The following KCND3 variants were observed in gnomAD, a reference collection of about 807,000 sequenced individuals.
KCND3 encodes potassium voltage-gated channel subfamily D member 3.
KCND3 carries 9 observed loss-of-function variants against 51.1 expected under a neutral mutation model. The ratio of observed to expected loss-of-function variants is 0.18; its 90% CI spans 0.11 to 0.31. KCND3 has a LOEUF of 0.31. KCND3 is among the 10% of genes least tolerant of loss of function. KCND3 has a pLI of 1.00. For missense variants in KCND3, 526 were observed against 903.8 expected (o/e 0.58, Z 5.36); for synonymous variants, 349 against 368.0 (o/e 0.95, Z 0.59).
chr1:111,914,368 C>T (rs887402097), intron 2 of KCND3, among the ~76,000 whole-genome samples: 1 of 150,994 alleles, frequency 6.6e-6, no homozygotes, highest in Non-Finnish European at 1.5e-5. Context: ...AAGAGAAACA[C>T]AGAAGAAATA....
At chr1:111,927,089 A>G (rs1162862443) in intron 2 of KCND3, among the ~76,000 whole-genome samples, 2 of 152,172 alleles carry the variant, frequency 1.3e-5, no homozygotes, top group African/African-American at 2.4e-5. Context: ...AGGAACCACC[A>G]TTATCTCCCC....
chr1:111,824,813 T>A (rs2101605729), intron 2 of KCND3, among the ~76,000 whole-genome samples: 1 of 152,288 alleles, frequency 6.6e-6, no homozygotes, highest in East Asian at 1.9e-4. Context: ...TAAATCCTGT[T>A]TTTCCACACA....
At chr1:111,888,142 G>A (rs1451792625) in intron 2 of KCND3, among the ~76,000 whole-genome samples, 3 of 152,266 alleles carry the variant, frequency 2.0e-5, no homozygotes, top group Non-Finnish European at 4.4e-5. Flanking sequence ...TAACTGTGGG[G>A]TGGGAGGGAA....
chr1:111,867,598 A>G (rs879634417), intron 2 of KCND3, among the ~76,000 whole-genome samples: 22 of 151,978 alleles, frequency 1.4e-4, no homozygotes, highest in Non-Finnish European at 2.8e-4. Flanking sequence ...TCTCAACAGG[A>G]GCTCTTTTGG....
chr1:111,791,790 A>C (rs17028564), intron 2 of KCND3, among the ~76,000 whole-genome samples: 2,672 of 152,330 alleles, frequency 0.018, 68 homozygotes, highest in African/African-American at 0.06. Context: ...ACAAAGATAA[A>C]TGAGAACACC....
chr1:111,787,173 T>C, intron 2 of KCND3, 67 bp from the exon 3 acceptor site: 1 of 1,484,322 alleles, frequency 6.7e-7, no homozygotes, highest in Non-Finnish European at 9.4e-7. Context: ...CAGGCTTCCC[T>C]GCCAATCATT....
intron 2 of KCND3, among the ~76,000 whole-genome samples, chr1:111,848,598 C>T (rs551208551): frequency 2.0e-5 from 3 of 152,332 alleles, no homozygotes; most frequent in South Asian, 2.1e-4. Context: ...CTGCACAAGC[C>T]CAGGAGGGCT....
At chr1:111,874,196 A>G (rs767060560) in intron 2 of KCND3, among the ~76,000 whole-genome samples, 15 of 152,184 alleles carry the variant, frequency 9.9e-5, no homozygotes, top group Admixed American at 2.6e-4. Context: ...GTATCCCACT[A>G]CACATTGGAA....
intron 2 of KCND3, among the ~76,000 whole-genome samples, chr1:111,808,823 C>G (rs1665698659): frequency 6.6e-6 from 1 of 152,226 alleles, no homozygotes; most frequent in Non-Finnish European, 1.5e-5. Flanking sequence ...TACTTGTGCT[C>G]TGCAGCGCCT....
At chr1:111,929,658 G>A (rs562070875) in intron 2 of KCND3, among the ~76,000 whole-genome samples, 36 of 152,318 alleles carry the variant, frequency 2.4e-4, no homozygotes, top group Middle Eastern at 6.8e-3. Flanking sequence ...TGAAGAGGAC[G>A]CTGCAGGGAT....
At chr1:111,799,934 C>G (rs974459457) in intron 2 of KCND3, among the ~76,000 whole-genome samples, 13 of 152,210 alleles carry the variant, frequency 8.5e-5, no homozygotes, top group Non-Finnish European at 1.6e-4. Context: ...TGGGCCCCCC[C>G]GCCTGGCCAG....
rs377049267 is a variant in KCND3, at chr1:111,785,332, A to G, written c.1269+1612T>C. On this transcript the variant is annotated intron_variant, in intron 3 of 7. Coordinates refer to ENST00000302127, the MANE Select transcript of KCND3 (RefSeq NM_001378969.1). ...GTATAACAAATTTAGGCCCTATTCA[A>G]ATTTGCTGCCTGACTTGAACAGGGA... Among the ~76,000 whole-genome samples, 5 of 152,328 alleles carry G rather than the reference A, an allele frequency of 3.3e-5. No individual in the cohort carries two copies. The South Asian group carries it at 1.0e-3, about 32-fold the overall frequency.
intron 2 of KCND3, among the ~76,000 whole-genome samples, chr1:111,969,119 G>C (rs1235477991): frequency 6.6e-6 from 1 of 151,718 alleles, no homozygotes; most frequent in East Asian, 1.9e-4. Flanking sequence ...TTCCCCTGCT[G>C]GTGAACCACT....
chr1:111,971,309 A>C (rs1408820201), intron 2 of KCND3, among the ~76,000 whole-genome samples: 1 of 146,610 alleles, frequency 6.8e-6, no homozygotes, highest in African/African-American at 2.5e-5. Flanking sequence ...AAAAAAAAAA[A>C]AAACACCACA....
intron 2 of KCND3, among the ~76,000 whole-genome samples, chr1:111,929,401 G>A (rs964040736): frequency 6.6e-6 from 1 of 152,228 alleles, no homozygotes; most frequent in African/African-American, 2.4e-5. Context: ...CAAGCCTTCT[G>A]TAAGAAGCCT....
At chr1:111,907,251 T>A (rs534013507) in intron 2 of KCND3, among the ~76,000 whole-genome samples, 1 of 152,358 alleles carries the variant, frequency 6.6e-6, no homozygotes, top group African/African-American at 2.4e-5. Flanking sequence ...TAAAAGGCAA[T>A]GTTTTCTTTA....
At chr1:111,788,690 G>A (rs761446422) in intron 2 of KCND3, among the ~76,000 whole-genome samples, 4 of 152,276 alleles carry the variant, frequency 2.6e-5, no homozygotes, top group Non-Finnish European at 1.5e-5. Context: ...CTCCTCTGCC[G>A]TGGTACTCAG....
At chr1:111,966,843 T>C (rs1461571040) in intron 2 of KCND3, among the ~76,000 whole-genome samples, 1 of 151,954 alleles carries the variant, frequency 6.6e-6, no homozygotes, top group African/African-American at 2.4e-5. Context: ...ATGAACTGCA[T>C]CAAAAAGGGT....
intron 2 of KCND3, among the ~76,000 whole-genome samples, chr1:111,936,045 T>A (rs572485781): frequency 4.6e-5 from 7 of 152,380 alleles, no homozygotes; most frequent in African/African-American, 1.4e-4. Context: ...AATATCCTGA[T>A]AAATTGTGCT....
Sources: gnomAD v4.1 joint callset for allele counts (sites outside exome capture counted in the v4.1 genomes callset) on GRCh38, gnomAD v4.1.1 for gene constraint, MANE v1.5 for transcripts, NCBI Gene and HGNC (gene_info 2026-07-23, HGNC 2026-07-21) for gene names.